The following ESRRG variants were observed in gnomAD, a reference collection of about 807,000 sequenced individuals.
The protein encoded by ESRRG is estrogen related receptor gamma, also known as estrogen-related receptor gamma.
Under a neutral mutation model 44.0 loss-of-function variants are expected in ESRRG, and 13 were observed. That is an observed-to-expected ratio of 0.30 (90% confidence interval 0.19 to 0.47). The LOEUF is 0.47. ESRRG is among the 20% of genes least tolerant of loss of function. The pLI is 1.00. For synonymous variants in ESRRG, 215 were observed against 214.6 expected, an observed-to-expected ratio of 1.00 and a Z score of -0.02; for missense variants, 395 against 580.6, an observed-to-expected ratio of 0.68 and a Z score of 3.29.
rs1558143862 is a variant in ESRRG, at chr1:216,507,174, T to A, written c.1142A>T (p.His381Leu). 6.2e-7 allele frequency: 1 copy of A among 1,608,838 alleles called. No homozygotes were observed. Among genetic ancestry groups the A allele is most frequent in the Non-Finnish European group, 8.5e-7 (1 of 1,177,524 alleles). Residue 381 changes from histidine (H) to leucine (L), a missense_variant, in exon 7 of 7, where the codon CAC (histidine) becomes CTC (leucine). By Grantham distance (99) the His-to-Leu change is moderately conservative. Around this residue, in one of 5 missense-constraint regions of ESRRG, gnomAD observed 167 missense variants for 251.8 expected, o/e 0.66. Coordinates refer to ENST00000408911, the MANE Select transcript of ESRRG (RefSeq NM_001438.4). ...AIALANSDSM[H>L]IEDVEAVQKL... ...CTGAACGGCTTCAACATCTTCTATG[T>A]GCATGGAGTCTGTGCAATGAAGCAA...
intron 1 of ESRRG, among the ~76,000 whole-genome samples, chr1:217,110,769 G>A (rs2092652889): frequency 6.6e-6 from 1 of 152,010 alleles, no homozygotes; most frequent in Admixed American, 6.6e-5. Flanking sequence ...TCCAGCACTG[G>A]GTATTACATT....
rs187028627 is a variant in ESRRG, at chr1:216,595,284, C to G, written c.590-27186G>C. 1.3e-3 allele frequency among the ~76,000 whole-genome samples: 201 copies of G among 152,288 alleles called. 1 individual carries two copies. The highest frequency in any genetic ancestry group is 3.9e-3 in the African/African-American group (164 of 41,582). On this transcript the variant is annotated intron_variant, in intron 3 of 6. Transcript: ENST00000408911. The stretch of plus-strand genomic sequence containing the variant: ...TTAAAATTATCTAGTGCTCATGGCA[C>G]TCAGTGCTCATCATGTTAAGAACTC...
chr1:216,557,597 G>T (rs955008414), intron 5 of ESRRG, among the ~76,000 whole-genome samples: 1 of 152,030 alleles, frequency 6.6e-6, no homozygotes, highest in African/African-American at 2.4e-5. Context: ...TCACATAAAA[G>T]TTTATAAGGG....
upstream of ESRRG, among the ~76,000 whole-genome samples, chr1:216,727,566 G>A (rs1213590067): frequency 3.3e-5 from 5 of 151,796 alleles, no homozygotes; most frequent in Admixed American, 6.6e-5. Flanking sequence ...GACTTCTTTC[G>A]AAGTCAGGAT....
At chr1:216,892,947 G>A (rs1478608472) in intron 2 of ESRRG, among the ~76,000 whole-genome samples, 4 of 152,024 alleles carry the variant, frequency 2.6e-5, no homozygotes, top group Non-Finnish European at 2.9e-5. Flanking sequence ...AAAGGTTACC[G>A]TGATCAGTCA....
chr1:216,787,142 A>G (rs958247159), intron 2 of ESRRG, among the ~76,000 whole-genome samples: 10 of 152,010 alleles, frequency 6.6e-5, no homozygotes, highest in African/African-American at 2.4e-4. Flanking sequence ...TTACTGTTGT[A>G]ATTGTTTTGG....
chr1:216,593,625 T>A (rs755554086), intron 3 of ESRRG, among the ~76,000 whole-genome samples: 2 of 152,214 alleles, frequency 1.3e-5, no homozygotes, highest in Non-Finnish European at 2.9e-5. Flanking sequence ...TGAATCATTG[T>A]CTAGTTTGAA....
chr1:217,063,048 G>A (rs951227434), intron 1 of ESRRG, among the ~76,000 whole-genome samples: 1 of 152,112 alleles, frequency 6.6e-6, no homozygotes, highest in Admixed American at 6.5e-5. Context: ...GAGAATATCT[G>A]ATCTGGGACT....
intron 1 of ESRRG, among the ~76,000 whole-genome samples, chr1:217,061,575 C>T (rs962579293): frequency 1.3e-5 from 2 of 152,092 alleles, no homozygotes; most frequent in Admixed American, 6.6e-5. Flanking sequence ...AGGAAAAGGT[C>T]AGTCCTCTTC....
chr1:216,745,753 T>A (rs1224919305), intron 2 of ESRRG, among the ~76,000 whole-genome samples: 2 of 152,210 alleles, frequency 1.3e-5, no homozygotes, highest in Admixed American at 1.3e-4. Context: ...GTATTCAGTT[T>A]ACTCATCTGT....
chr1:216,769,690 A>AT (rs2093297262), intron 2 of ESRRG, among the ~76,000 whole-genome samples: 2 of 152,174 alleles, frequency 1.3e-5, no homozygotes, highest in Admixed American at 1.3e-4. Flanking sequence ...CACACTAGCC[A>AT]TAGGGATATG....
chr1:216,592,165 A>G (rs1184031251), intron 3 of ESRRG, among the ~76,000 whole-genome samples: 2 of 151,920 alleles, frequency 1.3e-5, no homozygotes, highest in African/African-American at 4.8e-5. Context: ...CTGGTCTGCA[A>G]TCTTCAAAAT....
intron 1 of ESRRG, among the ~76,000 whole-genome samples, chr1:216,975,700 G>GGTA (rs769782006): frequency 3.3e-5 from 5 of 152,170 alleles, no homozygotes; most frequent in Admixed American, 6.6e-5. Flanking sequence ...GAGAAAAATA[G>GGTA]GTAGTCTGGG....
chr1:216,522,147 G>A (rs1388874091), intron 5 of ESRRG, among the ~76,000 whole-genome samples: 2 of 150,386 alleles, frequency 1.3e-5, no homozygotes, highest in East Asian at 2.0e-4. Context: ...TTGTGTGTGT[G>A]TATATGTGTG....
chr1:216,666,039 G>A lies in ESRRG; in HGVS notation c.472+11037C>T, dbSNP rs549478286. Reference sequence around the variant, plus strand: ...AAAAGAAAATAAAATCCTGACCCATGACTTTTACTCATGTCAAAATTCTGA... The same window carrying A: ...AAAAGAAAATAAAATCCTGACCCATAACTTTTACTCATGTCAAAATTCTGA... On this transcript the variant is annotated intron_variant, in intron 2 of 6. Coordinates refer to ENST00000408911, the MANE Select transcript of ESRRG (RefSeq NM_001438.4). Among the ~76,000 whole-genome samples the A allele has an allele frequency of 1.9e-3, 293 of 152,220 alleles. 3 individuals are homozygous for A. The highest frequency in any genetic ancestry group is 6.5e-3 in the African/African-American group (272 of 41,532).
chr1:216,566,841 G>T (rs11572770), intron 4 of ESRRG, among the ~76,000 whole-genome samples: 1,743 of 152,282 alleles, frequency 0.011, 39 homozygotes, highest in African/African-American at 0.041. Flanking sequence ...AAGGCAAAAG[G>T]AAACTATGCC....
chr1:217,037,716 G>A (rs2083153042), intron 1 of ESRRG, among the ~76,000 whole-genome samples: 1 of 152,030 alleles, frequency 6.6e-6, no homozygotes, highest in African/African-American at 2.4e-5. Context: ...AAAGTCCACA[G>A]TCCAAAGTCT....
chr1:216,912,222 A>AGGG (rs2060527061), intron 2 of ESRRG, among the ~76,000 whole-genome samples: 1 of 41,924 alleles, frequency 2.4e-5, no homozygotes, highest in Non-Finnish European at 4.6e-5. Context: ...AGAGGAGAGG[A>AGGG]GAGGAGAGGA....
intron 1 of ESRRG, among the ~76,000 whole-genome samples, chr1:217,075,571 C>T (rs2091173453): frequency 1.3e-5 from 2 of 149,790 alleles, no homozygotes; most frequent in Non-Finnish European, 2.9e-5. Context: ...TTCCCACACT[C>T]GCTTCAAATT....
Sources: gnomAD v4.1 joint callset for allele counts (sites outside exome capture counted in the v4.1 genomes callset) on GRCh38, gnomAD v4.1.1 for gene constraint, gnomAD v4.1.1 regional missense constraint, MANE v1.5 for transcripts, NCBI Gene and HGNC (gene_info 2026-07-23, HGNC 2026-07-21) for gene names.